The following SLC24A2 variants were observed in gnomAD, a reference collection of about 807,000 sequenced individuals.
SLC24A2 encodes solute carrier family 24 member 2.
A neutral mutation model predicts 62.0 loss-of-function variants in SLC24A2; 36 were observed. The observed-to-expected ratio is 0.58, with a 90% confidence interval of 0.44 to 0.77. The LOEUF (loss-of-function observed/expected upper bound fraction) is 0.77. Among genes scored for constraint, SLC24A2 ranks in the 30% least tolerant of loss-of-function variants. The pLI is 0.00. For missense variants in SLC24A2, 846 were observed against 817.9 expected (o/e 1.03, Z -0.42); for synonymous variants, 358 against 294.0 (o/e 1.22, Z -2.23).
rs186101388 is a variant in SLC24A2, at chr9:19,669,836, C to A, written c.931-47537G>T. Among the ~76,000 whole-genome samples the A allele has an allele frequency of 2.0e-5, 3 of 152,310 alleles. No homozygotes were observed. The East Asian group carries it at 5.8e-4, about 29-fold the overall frequency. On this transcript the variant is annotated intron_variant, in intron 2 of 10. Coordinates refer to ENST00000341998, the MANE Select transcript of SLC24A2 (RefSeq NM_020344.4). Reference sequence around the variant, plus strand: ...TGATTAGCAACCTTAATTTTATCTGCAATCTTAATTCCCTTTGCTATGTAA... The same window carrying A: ...TGATTAGCAACCTTAATTTTATCTGAAATCTTAATTCCCTTTGCTATGTAA...
At chr9:20,114,411 C>T in the SLC24A2 span, among the ~76,000 whole-genome samples, 4 of 152,088 alleles carry the variant, frequency 2.6e-5, no homozygotes, top group Admixed American at 6.6e-5. Context: ...AAGGCTGCTG[C>T]GGTCCCAGCT....
chr9:19,826,078 C>G, the SLC24A2 span, among the ~76,000 whole-genome samples: 1 of 150,626 alleles, frequency 6.6e-6, no homozygotes, highest in Non-Finnish European at 1.5e-5. Flanking sequence ...AAAATGCCTG[C>G]TCTGAATGCA....
chr9:19,620,163 T>C (rs956133636), intron 3 of SLC24A2, among the ~76,000 whole-genome samples: 2 of 152,210 alleles, frequency 1.3e-5, no homozygotes, highest in Non-Finnish European at 2.9e-5. Context: ...TTTTGAAGTA[T>C]GCATCCTATC....
chr9:19,707,552 C>T, intron 2 of SLC24A2, among the ~76,000 whole-genome samples: 1 of 152,170 alleles, frequency 6.6e-6, no homozygotes, highest in East Asian at 1.9e-4. Flanking sequence ...AAAGCTTATC[C>T]ACCATGATCA....
chr9:20,104,505 C>T, the SLC24A2 span, among the ~76,000 whole-genome samples: 1 of 152,212 alleles, frequency 6.6e-6, no homozygotes, highest in African/African-American at 2.4e-5. Flanking sequence ...GATCTCTCAG[C>T]AGAAACGCTA....
At chr9:19,973,261 G>T in the SLC24A2 span, among the ~76,000 whole-genome samples, 4 of 152,268 alleles carry the variant, frequency 2.6e-5, no homozygotes, top group South Asian at 8.3e-4. Flanking sequence ...GCATTTATCC[G>T]GGACATGATT....
intron 2 of SLC24A2, among the ~76,000 whole-genome samples, chr9:19,629,799 T>C (rs943674107): frequency 3.3e-5 from 5 of 152,244 alleles, no homozygotes; most frequent in Non-Finnish European, 5.9e-5. Context: ...TATTTCATTG[T>C]TTCAGGGAAA....
chr9:20,251,002 C>T, the SLC24A2 span, among the ~76,000 whole-genome samples: 4 of 152,176 alleles, frequency 2.6e-5, no homozygotes, highest in Admixed American at 6.5e-5. Flanking sequence ...ATAGGCAAGG[C>T]GCCAGCTGGC....
chr9:19,685,214 G>T (rs1045024429), intron 2 of SLC24A2, among the ~76,000 whole-genome samples: 1 of 152,082 alleles, frequency 6.6e-6, no homozygotes, highest in Non-Finnish European at 1.5e-5. Context: ...AGAGGTGAAA[G>T]ATCTCTACAA....
chr9:19,737,488 C>T (rs1436942826), intron 2 of SLC24A2, among the ~76,000 whole-genome samples: 1 of 152,082 alleles, frequency 6.6e-6, no homozygotes, highest in African/African-American at 2.4e-5. Context: ...AAGTATTTCC[C>T]ATGCCTTTAT....
intron 2 of SLC24A2, among the ~76,000 whole-genome samples, chr9:19,656,178 A>G (rs1440425677): frequency 1.3e-5 from 2 of 152,232 alleles, no homozygotes. Context: ...GCTTTTATTG[A>G]AGTCAAATTG....
chr9:19,857,087 G>T, the SLC24A2 span, among the ~76,000 whole-genome samples: 1 of 152,188 alleles, frequency 6.6e-6, no homozygotes, highest in African/African-American at 2.4e-5. Flanking sequence ...CAATCTCACT[G>T]GGCTAATGTT....
the SLC24A2 span, among the ~76,000 whole-genome samples, chr9:20,118,552 T>A: frequency 1.3e-5 from 2 of 152,106 alleles, no homozygotes; most frequent in Non-Finnish European, 2.9e-5. Context: ...TTTTTTTTTA[T>A]TTTTTATTTT....
chr9:20,012,152 T>A, the SLC24A2 span, among the ~76,000 whole-genome samples: 1 of 152,196 alleles, frequency 6.6e-6, no homozygotes, highest in East Asian at 1.9e-4. Flanking sequence ...CCCACTGTAT[T>A]AGTCCATTTT....
At chr9:20,296,472 A>C in the SLC24A2 span, among the ~76,000 whole-genome samples, 1 of 152,260 alleles carries the variant, frequency 6.6e-6, no homozygotes, top group African/African-American at 2.4e-5. Context: ...TGCTTTATTC[A>C]CAATGTTGAC....
At chr9:20,293,799 G>A in the SLC24A2 span, among the ~76,000 whole-genome samples, 1 of 152,094 alleles carries the variant, frequency 6.6e-6, no homozygotes, top group African/African-American at 2.4e-5. Context: ...GGTCCTCCTA[G>A]AGATATTTGA....
At chr9:19,702,798 T>C (rs1463539990) in intron 2 of SLC24A2, among the ~76,000 whole-genome samples, 1 of 152,188 alleles carries the variant, frequency 6.6e-6, no homozygotes, top group Non-Finnish European at 1.5e-5. Context: ...AAAAGTGAAC[T>C]TCATATCACT....
intron 2 of SLC24A2, among the ~76,000 whole-genome samples, chr9:19,649,511 C>T (rs552726129): frequency 3.3e-5 from 5 of 152,228 alleles, no homozygotes; most frequent in African/African-American, 1.2e-4. Flanking sequence ...TATGTTTAGA[C>T]CTCAATGTGG....
intron 2 of SLC24A2, among the ~76,000 whole-genome samples, chr9:19,760,884 T>G: frequency 7.8e-6 from 1 of 127,650 alleles, no homozygotes; most frequent in East Asian, 2.3e-4. Context: ...GGACACAGGG[T>G]GGGGAACATC....
Sources: allele counts gnomAD v4.1 joint callset (sites outside exome capture counted in the v4.1 genomes callset), GRCh38; gene constraint gnomAD v4.1.1; transcripts MANE v1.5; gene names NCBI Gene and HGNC (gene_info 2026-07-23, HGNC 2026-07-21).